Variants in PTGER3 observed in about 807,000 individuals in gnomAD.
The protein encoded by PTGER3 is prostaglandin E2 receptor EP3 subtype.
Under a neutral mutation model 34.7 loss-of-function variants are expected in PTGER3, and 22 were observed. That is an observed-to-expected ratio of 0.63 (90% CI 0.45 to 0.91). The LOEUF (loss-of-function observed/expected upper bound fraction) is 0.91. Among genes scored for constraint, PTGER3 ranks in the 40% least tolerant of loss-of-function variants. The probability of loss-of-function intolerance (pLI) is 0.00; values close to 1 mark genes in which losing one functional copy is unlikely to be tolerated. For missense variants in PTGER3, 468 were observed against 519.4 expected (o/e 0.90, Z 0.96); for synonymous variants, 241 against 230.1 (o/e 1.05, Z -0.43).
chr1:70,922,864 G>T (rs1253746786), intron 4 of PTGER3, among the ~76,000 whole-genome samples: 1 of 152,186 alleles, frequency 6.6e-6, no homozygotes, highest in African/African-American at 2.4e-5. Flanking sequence ...AAAATTAATT[G>T]TAAAAGAAAT....
At chr1:70,912,750 G>C (rs1647087918) in intron 4 of PTGER3, among the ~76,000 whole-genome samples, 1 of 152,016 alleles carries the variant, frequency 6.6e-6, no homozygotes, top group South Asian at 2.1e-4. Flanking sequence ...CTTTGTTAAA[G>C]AGATGATCTT....
At chr1:71,034,977 T>A (rs891387158) in intron 1 of PTGER3, among the ~76,000 whole-genome samples, 1 of 152,114 alleles carries the variant, frequency 6.6e-6, no homozygotes, top group Non-Finnish European at 1.5e-5. Flanking sequence ...CAAGAAATTT[T>A]AAAAAAAGTA....
chr1:71,015,304 TG>T lies in PTGER3; in HGVS notation c.898-2821del, dbSNP rs984537399. On this transcript the variant is annotated intron_variant, in intron 1 of 3. Coordinates refer to ENST00000306666, the MANE Select transcript of PTGER3 (RefSeq NM_198719.2). The stretch of plus-strand genomic sequence containing the variant: ...CATGTCCCTCAAAAACTTGGACGTA[TG>T]GGGGAAGAAAATGTGGGTCTCTAAG... Among the ~76,000 whole-genome samples the T allele has an allele frequency of 2.6e-4, 39 of 152,174 alleles. 1 individual carries two copies. The highest frequency in any genetic ancestry group is 8.9e-4 in the African/African-American group (37 of 41,506).
chr1:70,862,026 G>T (rs1409221911), intron 4 of PTGER3, among the ~76,000 whole-genome samples: 1 of 151,870 alleles, frequency 6.6e-6, no homozygotes, highest in Non-Finnish European at 1.5e-5. Flanking sequence ...TCAATGAAAA[G>T]TGGATGATTG....
intron 4 of PTGER3, among the ~76,000 whole-genome samples, chr1:70,946,565 A>C (rs1650245169): frequency 6.6e-6 from 1 of 152,166 alleles, no homozygotes; most frequent in Non-Finnish European, 1.5e-5. Flanking sequence ...TACACAATTT[A>C]ACAGGCAGGC....
At chr1:71,005,797 G>A in intron 2 of PTGER3, 1 of 911,268 alleles carries the variant, frequency 1.1e-6, no homozygotes, top group Non-Finnish European at 1.3e-6. Flanking sequence ...TCACCCCATG[G>A]CCTGTAGGTT....
At chr1:71,007,810 A>C in intron 2 of PTGER3, 6 of 985,038 alleles carry the variant, frequency 6.1e-6, no homozygotes, top group Non-Finnish European at 7.2e-6. Context: ...TTAAAGGATC[A>C]AAATATTCTA....
At chr1:70,958,879 T>A (rs554571742) in intron 2 of PTGER3, among the ~76,000 whole-genome samples, 97 of 152,340 alleles carry the variant, frequency 6.4e-4, no homozygotes, top group African/African-American at 2.1e-3. Flanking sequence ...GGGTCTAGTT[T>A]CATGCTTCTG....
intron 4 of PTGER3, among the ~76,000 whole-genome samples, chr1:70,889,966 T>C (rs1003075113): frequency 6.6e-6 from 1 of 152,224 alleles, no homozygotes; most frequent in African/African-American, 2.4e-5. Flanking sequence ...CTCTTGACCC[T>C]TTCTGAGTGA....
At chr1:70,989,555 A>G (rs1378559494) in intron 2 of PTGER3, among the ~76,000 whole-genome samples, 1 of 152,194 alleles carries the variant, frequency 6.6e-6, no homozygotes, top group Non-Finnish European at 1.5e-5. Flanking sequence ...AGCTAAAACA[A>G]TATTATTGAG....
At chr1:70,988,213 C>T (rs1182954146) in intron 2 of PTGER3, among the ~76,000 whole-genome samples, 1 of 152,168 alleles carries the variant, frequency 6.6e-6, no homozygotes, top group Non-Finnish European at 1.5e-5. Context: ...TAACTGTGAT[C>T]TTCAGGCAAA....
chr1:71,009,277 G>A (rs1366739662), intron 2 of PTGER3: 2 of 984,528 alleles, frequency 2.0e-6, no homozygotes, highest in South Asian at 4.7e-5. Context: ...ATGAGGTTTT[G>A]CATTATTTTC....
At position 70,983,135 on chromosome 1, in the gene PTGER3, GGA is replaced by G. The variant is rs1290150863; in HGVS notation, c.1078-8749_1078-8748del. 3.3e-5 allele frequency among the ~76,000 whole-genome samples: 5 copies of G among 152,048 alleles called. No individual in the cohort carries two copies. In the East Asian group the frequency reaches 9.7e-4, roughly 29 times the overall value. Reference sequence around the variant, plus strand: ...GAAACAGATCAGAGAGAGCCTGAAGGGAACTGTGGAAATGCAAAACCATAGCC... The same window carrying G: ...GAAACAGATCAGAGAGAGCCTGAAGGACTGTGGAAATGCAAAACCATAGCC... On this transcript the variant is annotated intron_variant, in intron 2 of 3. Coordinates refer to ENST00000306666, the MANE Select transcript of PTGER3 (RefSeq NM_198719.2).
At chr1:70,915,185 G>A (rs1049327930) in intron 4 of PTGER3, among the ~76,000 whole-genome samples, 41 of 151,854 alleles carry the variant, frequency 2.7e-4, no homozygotes, top group African/African-American at 9.9e-4. Flanking sequence ...ATTGCCATTG[G>A]TATGTGAGCT....
At chr1:71,043,421 G>A (rs1660481207) in intron 1 of PTGER3, among the ~76,000 whole-genome samples, 1 of 152,154 alleles carries the variant, frequency 6.6e-6, no homozygotes, top group Non-Finnish European at 1.5e-5. Flanking sequence ...AAGTATTTAT[G>A]TAGTGTGAAC....
chr1:70,972,875 T>C (rs1262120464), intron 3 of PTGER3, among the ~76,000 whole-genome samples: 1 of 152,112 alleles, frequency 6.6e-6, no homozygotes, highest in African/African-American at 2.4e-5. Context: ...TTTTACTGAC[T>C]GGTGAGACTA....
At chr1:71,024,620 C>A (rs571303745) in intron 1 of PTGER3, among the ~76,000 whole-genome samples, 5 of 146,926 alleles carry the variant, frequency 3.4e-5, no homozygotes, top group African/African-American at 7.5e-5. Flanking sequence ...ATGGACAAAT[C>A]TACCGACATT....
At chr1:71,022,699 T>C (rs1238768113) in intron 1 of PTGER3, among the ~76,000 whole-genome samples, 1 of 151,338 alleles carries the variant, frequency 6.6e-6, no homozygotes, top group Non-Finnish European at 1.5e-5. Flanking sequence ...GCTCTCTCTC[T>C]CTCTTACACA....
chr1:70,918,444 ACAAT>A (rs1387696950), intron 4 of PTGER3, among the ~76,000 whole-genome samples: 2 of 152,180 alleles, frequency 1.3e-5, no homozygotes, highest in African/African-American at 4.8e-5. Flanking sequence ...AGTCAAGGAA[ACAAT>A]CAATAAAGTG....
Sources: allele counts gnomAD v4.1 joint callset (sites outside exome capture counted in the v4.1 genomes callset), GRCh38; gene constraint gnomAD v4.1.1; transcripts MANE v1.5; gene names NCBI Gene and HGNC (gene_info 2026-07-23, HGNC 2026-07-21).